The following MALRD1 variants were observed in gnomAD, a reference collection of about 807,000 sequenced individuals.
MALRD1 encodes the protein MAM and LDL receptor class A domain containing 1, also known as MAM and LDL-receptor class A domain-containing protein 1.
In MALRD1, 247 loss-of-function variants were observed where a neutral mutation model predicts 242.1. The ratio of observed to expected loss-of-function variants is 1.02; its 90% confidence interval spans 0.92 to 1.13. The LOEUF is 1.13. MALRD1 is among the 50% of genes most tolerant of loss of function. The pLI, the probability that MALRD1 is intolerant of heterozygous loss-of-function variation, is 0.00. For synonymous variants in MALRD1, 995 were observed against 866.6 expected (o/e 1.15, Z -2.60); for missense variants, 2,989 against 2,533.1 (o/e 1.18, Z -3.86).
chr10:19,511,303 A>T (rs183445409), intron 31 of MALRD1, among the ~76,000 whole-genome samples: 2 of 152,174 alleles, frequency 1.3e-5, no homozygotes, highest in African/African-American at 4.8e-5. Flanking sequence ...AGTCAAAAAG[A>T]TCAGCACACG....
At chr10:19,242,894 T>G in intron 18 of MALRD1, among the ~76,000 whole-genome samples, 1 of 152,072 alleles carries the variant, frequency 6.6e-6, no homozygotes. Context: ...CTTTATATCT[T>G]TTAATTAGAG....
chr10:19,053,594 T>A lies in MALRD1; in HGVS notation c.199+4457T>A, dbSNP rs1345432477. Among the ~76,000 whole-genome samples, 55 of 152,172 alleles carry A rather than the reference T, an allele frequency of 3.6e-4. 1 individual carries two copies. Among genetic ancestry groups the A allele is most frequent in the Admixed American group, 3.5e-3 (54 of 15,276 alleles). ...AAAGCAGTTCATTGTGTACCAAAGT[T>A]TTTTTTGTTTTTTTAGTATTTGTGT... On this transcript the variant is annotated intron_variant, in intron 1 of 39. Transcript: ENST00000454679.
At chr10:19,560,641 G>T (rs2131437192) in intron 32 of MALRD1, among the ~76,000 whole-genome samples, 1 of 152,264 alleles carries the variant, frequency 6.6e-6, no homozygotes, top group Non-Finnish European at 1.5e-5. Flanking sequence ...CATAAAAAAG[G>T]ATGAGTTCAT....
chr10:19,148,002 T>A (rs112791402), intron 11 of MALRD1, among the ~76,000 whole-genome samples: 8 of 152,178 alleles, frequency 5.3e-5, no homozygotes, highest in African/African-American at 9.6e-5. Context: ...AAGGGGACTC[T>A]AGAGAGTGCT....
chr10:19,148,773 T>TAAAAAAAA (rs1174673634), intron 11 of MALRD1, among the ~76,000 whole-genome samples: 3 of 114,478 alleles, frequency 2.6e-5, no homozygotes, highest in Admixed American at 8.8e-5. Flanking sequence ...AAGGGCCAAT[T>TAAAAAAAA]AAAAAAAAAA....
intron 26 of MALRD1, among the ~76,000 whole-genome samples, chr10:19,358,083 A>C (rs1234000084): frequency 2.6e-5 from 4 of 152,136 alleles, no homozygotes; most frequent in Non-Finnish European, 5.9e-5. Flanking sequence ...AGAAAAAGAC[A>C]ACCAACTTTC....
chr10:19,418,912 A>G (rs1833611571), intron 28 of MALRD1, among the ~76,000 whole-genome samples: 1 of 152,188 alleles, frequency 6.6e-6, no homozygotes, highest in Admixed American at 6.5e-5. Context: ...TGCCTGGGAC[A>G]GTGCCCTTTA....
chr10:19,385,902 CAAG>C (rs1479641651), intron 26 of MALRD1, among the ~76,000 whole-genome samples: 1 of 152,004 alleles, frequency 6.6e-6, no homozygotes, highest in African/African-American at 2.4e-5. Flanking sequence ...CTGCATCTCA[CAAG>C]TTTTGCTCTG....
At chr10:19,487,017 A>G (rs1589146105) in intron 29 of MALRD1, among the ~76,000 whole-genome samples, 1 of 151,956 alleles carries the variant, frequency 6.6e-6, no homozygotes, top group African/African-American at 2.4e-5. Context: ...TCAGTTTCTC[A>G]TGCTTTAGTT....
At chr10:19,291,364 G>A (rs1213430920) in intron 21 of MALRD1, 1 of 152,004 alleles carries the variant, frequency 6.6e-6, no homozygotes, top group Non-Finnish European at 1.5e-5. Flanking sequence ...TTTAAATGCA[G>A]GTTCTAAAAC....
intron 32 of MALRD1, among the ~76,000 whole-genome samples, chr10:19,532,083 T>C (rs1048856312): frequency 3.9e-5 from 6 of 152,190 alleles, no homozygotes; most frequent in Non-Finnish European, 8.8e-5. Flanking sequence ...CTGCCTTATA[T>C]TTACATGTAT....
chr10:19,464,359 C>T (rs960394925), intron 29 of MALRD1, among the ~76,000 whole-genome samples: 1 of 152,108 alleles, frequency 6.6e-6, no homozygotes, highest in Admixed American at 6.6e-5. Context: ...GATTTAAGTC[C>T]TTGATCCATC....
chr10:19,332,130 C>T (rs1412830863), intron 24 of MALRD1, among the ~76,000 whole-genome samples: 1 of 149,886 alleles, frequency 6.7e-6, no homozygotes, highest in Non-Finnish European at 1.5e-5. Context: ...GCCCAGAGTG[C>T]TGGGATTGCA....
chr10:19,385,760 G>A (rs190486330), intron 26 of MALRD1, among the ~76,000 whole-genome samples: 2 of 151,344 alleles, frequency 1.3e-5, no homozygotes, highest in Non-Finnish European at 2.9e-5. Flanking sequence ...AATTATTTTT[G>A]TTCTGCTAAC....
intron 34 of MALRD1, among the ~76,000 whole-genome samples, chr10:19,601,957 T>A (rs1707046786): frequency 6.6e-6 from 1 of 151,978 alleles, no homozygotes. Flanking sequence ...CACACAAAAA[T>A]TTGTGTATAT....
At chr10:19,201,347 T>C (rs1179939628) in intron 14 of MALRD1, among the ~76,000 whole-genome samples, 2 of 152,180 alleles carry the variant, frequency 1.3e-5, no homozygotes, top group Non-Finnish European at 2.9e-5. Flanking sequence ...ATCATTATCT[T>C]TGAAGAGTCT....
intron 28 of MALRD1, among the ~76,000 whole-genome samples, chr10:19,393,928 A>C (rs1846459492): frequency 6.6e-6 from 1 of 152,190 alleles, no homozygotes; most frequent in Admixed American, 6.5e-5. Flanking sequence ...CCTTTTGAAT[A>C]AAATGCAGGA....
At chr10:19,657,169 C>G (rs1589367228) in intron 36 of MALRD1, among the ~76,000 whole-genome samples, 1 of 152,260 alleles carries the variant, frequency 6.6e-6, no homozygotes, top group South Asian at 2.1e-4. Context: ...TGTTCCGACC[C>G]TTCGCCCACT....
chr10:19,522,804 C>T (rs1833940883), intron 31 of MALRD1, among the ~76,000 whole-genome samples: 2 of 152,110 alleles, frequency 1.3e-5, no homozygotes, highest in African/African-American at 4.8e-5. Flanking sequence ...GCTTTTAACT[C>T]AGGCAGTTTG....
Sources: gnomAD v4.1 joint callset for allele counts (sites outside exome capture counted in the v4.1 genomes callset) on GRCh38, gnomAD v4.1.1 for gene constraint, MANE v1.5 for transcripts, NCBI Gene and HGNC (gene_info 2026-07-23, HGNC 2026-07-21) for gene names.